The following MIS18A variants were observed in gnomAD, a reference collection of about 807,000 sequenced individuals.
MIS18A encodes MIS18 kinetochore protein A.
A neutral mutation model predicts 25.0 loss-of-function variants in MIS18A; 14 were observed. The ratio of observed to expected loss-of-function variants is 0.56; its 90% CI spans 0.37 to 0.88. MIS18A has a LOEUF of 0.88. Among genes scored for constraint, MIS18A ranks in the 40% least tolerant of loss-of-function variants. The pLI is 0.00. For synonymous variants in MIS18A, 134 were observed against 118.6 expected, an observed-to-expected ratio of 1.13 and a Z score of -0.84; for missense variants, 292 against 290.8, an observed-to-expected ratio of 1.00 and a Z score of -0.03.
At chr21:32,224,521 A>C in the MIS18A span, among the ~76,000 whole-genome samples, 4 of 148,898 alleles carry the variant, frequency 2.7e-5, no homozygotes, top group African/African-American at 9.9e-5. Flanking sequence ...GTGAACTCCC[A>C]TTCACAATTG....
At chr21:32,205,097 C>CTTT in the MIS18A span, among the ~76,000 whole-genome samples, 1,252 of 66,284 alleles carry the variant, frequency 0.019, 35 homozygotes, top group Non-Finnish European at 0.023. Context: ...AGAACTTGTC[C>CTTT]TTTTTTTTTT....
At chr21:32,177,178 C>T in the MIS18A span, among the ~76,000 whole-genome samples, 1 of 152,086 alleles carries the variant, frequency 6.6e-6, no homozygotes, top group African/African-American at 2.4e-5. Context: ...ATGAGTTTAC[C>T]ATATTAACAT....
At chr21:32,199,276 G>A in the MIS18A span, among the ~76,000 whole-genome samples, 3 of 152,180 alleles carry the variant, frequency 2.0e-5, no homozygotes, top group Middle Eastern at 3.4e-3. Context: ...TTATACCGTC[G>A]TGCTGTGGAA....
chr21:32,276,734 A>T (rs191988801), intron 1 of MIS18A, among the ~76,000 whole-genome samples: 1 of 152,290 alleles, frequency 6.6e-6, no homozygotes, highest in Admixed American at 6.5e-5. Flanking sequence ...GTTTGAGATC[A>T]GCCTGAGCAA....
chr21:32,198,525 C>T, the MIS18A span, among the ~76,000 whole-genome samples: 2 of 152,224 alleles, frequency 1.3e-5, no homozygotes, highest in Admixed American at 1.3e-4. Context: ...GCTGCCACCG[C>T]CTCCCCTCGG....
the MIS18A span, among the ~76,000 whole-genome samples, chr21:32,224,076 T>C: frequency 1.3e-5 from 2 of 151,268 alleles, no homozygotes; most frequent in Non-Finnish European, 2.9e-5. Context: ...AAAATTCAAC[T>C]TCCCTTCATG....
the MIS18A span, among the ~76,000 whole-genome samples, chr21:32,172,784 T>C: frequency 1.3e-5 from 2 of 152,116 alleles, no homozygotes; most frequent in Non-Finnish European, 2.9e-5. Flanking sequence ...GGAATAGAAT[T>C]GGGAGTTCAA....
the MIS18A span, among the ~76,000 whole-genome samples, chr21:32,214,784 C>T: frequency 4.6e-5 from 7 of 152,188 alleles, no homozygotes; most frequent in Non-Finnish European, 8.8e-5. Context: ...ACCTGCAGCC[C>T]GGCCCTTGCC....
At chr21:32,226,291 G>A in the MIS18A span, among the ~76,000 whole-genome samples, 31,332 of 141,466 alleles carry the variant, frequency 0.22, 3,475 homozygotes, top group South Asian at 0.33. Context: ...AAAAAAAAAA[G>A]AAAAAAAAAA....
chr21:32,209,564 A>G, the MIS18A span, among the ~76,000 whole-genome samples: 2 of 152,232 alleles, frequency 1.3e-5, no homozygotes, highest in African/African-American at 4.8e-5. Context: ...CCAACATAAG[A>G]ACACTATCCC....
chr21:32,257,567 G>C, the MIS18A span, among the ~76,000 whole-genome samples: 8 of 152,156 alleles, frequency 5.3e-5, no homozygotes, highest in Admixed American at 4.6e-4. Flanking sequence ...GCTATCAATC[G>C]AGGTTTCCAT....
chr21:32,177,591 T>C, the MIS18A span, among the ~76,000 whole-genome samples: 2 of 152,290 alleles, frequency 1.3e-5, no homozygotes, highest in Admixed American at 6.5e-5. Context: ...AGCAAGGTCA[T>C]TGGATATAAG....
the MIS18A span, among the ~76,000 whole-genome samples, chr21:32,182,425 G>A: frequency 3.9e-5 from 6 of 152,300 alleles, no homozygotes; most frequent in East Asian, 1.2e-3. Context: ...ACACAAAAGG[G>A]CTGGTTTTTA....
the MIS18A span, among the ~76,000 whole-genome samples, chr21:32,242,397 A>G: frequency 0.52 from 78,609 of 151,984 alleles, 21,856 homozygotes; most frequent in African/African-American, 0.73. Flanking sequence ...ATAAATATAC[A>G]TCATTTTTTT....
the MIS18A span, among the ~76,000 whole-genome samples, chr21:32,158,958 A>G: frequency 2.0e-5 from 3 of 152,168 alleles, no homozygotes; most frequent in African/African-American, 7.2e-5. Flanking sequence ...ACCACACAAG[A>G]TTCTTTCTTA....
rs138877696 is a variant in MIS18A at position 32,271,375 on chromosome 21, C to T, written c.402-846G>A. On this transcript the variant is annotated intron_variant, in intron 2 of 4. Coordinates refer to ENST00000290130, the MANE Select transcript of MIS18A (RefSeq NM_018944.3). ...TCAGTATGTGAAACACTTGTAATCA[C>T]TAAATATCCATTCCTGCTATCAAGC... 2.0e-5 allele frequency among the ~76,000 whole-genome samples: 3 copies of T among 152,346 alleles called. No individual in the cohort carries two copies. The East Asian group carries it at 5.8e-4, about 29-fold the overall frequency.
chr21:32,158,496 CAG>C, the MIS18A span, among the ~76,000 whole-genome samples: 1 of 149,704 alleles, frequency 6.7e-6, no homozygotes, highest in Non-Finnish European at 1.5e-5. Flanking sequence ...CTTTTTGAGA[CAG>C]AGTTTTGCTC....
chr21:32,233,588 G>A, the MIS18A span, among the ~76,000 whole-genome samples: 12 of 152,298 alleles, frequency 7.9e-5, no homozygotes, highest in African/African-American at 2.9e-4. Flanking sequence ...CTCTACAATT[G>A]CTTAACCTTG....
chr21:32,266,448 C>T (rs2031602667), downstream of MIS18A, among the ~76,000 whole-genome samples: 1 of 152,194 alleles, frequency 6.6e-6, no homozygotes, highest in Non-Finnish European at 1.5e-5. Flanking sequence ...TGTTTTTTCG[C>T]TCTTTGCAAT....
Sources: gnomAD v4.1 joint callset for allele counts (sites outside exome capture counted in the v4.1 genomes callset) on GRCh38, gnomAD v4.1.1 for gene constraint, MANE v1.5 for transcripts, NCBI Gene and HGNC (gene_info 2026-07-23, HGNC 2026-07-21) for gene names.